The following GNAO1 variants were observed in gnomAD, a reference collection of about 807,000 sequenced individuals.
The protein encoded by GNAO1 is guanine nucleotide-binding protein G(o) subunit alpha.
For missense variants in GNAO1, 166 were observed against 478.7 expected, an observed-to-expected ratio of 0.35 and a Z score of 6.10; for synonymous variants, 164 against 180.7, an observed-to-expected ratio of 0.91 and a Z score of 0.74.
intron 2 of GNAO1, among the ~76,000 whole-genome samples, chr16:56,258,473 G>A (rs1052874441): frequency 1.6e-4 from 24 of 152,236 alleles, no homozygotes; most frequent in African/African-American, 5.5e-4. Flanking sequence ...ACCTGAAAGG[G>A]AGTGTTGGGC....
At chr16:56,195,008 A>G (rs2036218770) in intron 2 of GNAO1, among the ~76,000 whole-genome samples, 1 of 151,224 alleles carries the variant, frequency 6.6e-6, no homozygotes, top group Non-Finnish European at 1.5e-5. Flanking sequence ...GGGAAAATGA[A>G]GTGAGTGATG....
At chr16:56,218,831 C>T (rs1404832733) in intron 2 of GNAO1, among the ~76,000 whole-genome samples, 4 of 152,234 alleles carry the variant, frequency 2.6e-5, no homozygotes, top group African/African-American at 9.6e-5. Flanking sequence ...GCCCATGCCT[C>T]AGCATAGATG....
chr16:56,323,864 C>T (rs1019367262), intron 3 of GNAO1, among the ~76,000 whole-genome samples: 3 of 151,982 alleles, frequency 2.0e-5, no homozygotes, highest in Non-Finnish European at 2.9e-5. Flanking sequence ...ACTTAGAAGT[C>T]GGGGAGGAGA....
intron 2 of GNAO1, among the ~76,000 whole-genome samples, chr16:56,229,994 C>T (rs2036573297): frequency 6.6e-6 from 1 of 152,092 alleles, no homozygotes; most frequent in Admixed American, 6.6e-5. Flanking sequence ...TTTTTAACAT[C>T]TGGCTTTTTA....
At chr16:56,220,339 T>C in intron 2 of GNAO1, among the ~76,000 whole-genome samples, 1 of 152,218 alleles carries the variant, frequency 6.6e-6, no homozygotes, top group East Asian at 1.9e-4. Context: ...TCAGAGATCA[T>C]TCTTTCAAAA....
At chr16:56,344,001 C>G (rs755501150) in intron 6 of GNAO1, 27 of 1,597,624 alleles carry the variant, frequency 1.7e-5, no homozygotes, top group African/African-American at 2.7e-5. Context: ...GCCGCCCCCC[C>G]TCCCCTGGAA....
rs117664241 is a variant in GNAO1 at position 56,326,022 on chromosome 16, C to A, written c.304-2609C>A. On this transcript the variant is annotated intron_variant, in intron 3 of 8. Transcript: ENST00000262493. The surrounding 1 kb of genome is among the most constrained non-coding windows in gnomAD (Gnocchi z 4.8). Reference sequence around the variant, plus strand: ...GCCACCTCCTCCACTCATCGACCCTCTTCCTTGCCTTGGCATCCCACACCT... The same window carrying A: ...GCCACCTCCTCCACTCATCGACCCTATTCCTTGCCTTGGCATCCCACACCT... Among the ~76,000 whole-genome samples the A allele has an allele frequency of 5.4e-4, 82 of 152,348 alleles. No individual in the cohort carries two copies. In the East Asian group the frequency reaches 0.015, roughly 28 times the overall value.
At chr16:56,251,149 T>C (rs914488089) in intron 2 of GNAO1, among the ~76,000 whole-genome samples, 2 of 152,192 alleles carry the variant, frequency 1.3e-5, no homozygotes, top group Non-Finnish European at 2.9e-5. Context: ...AACACCCCTA[T>C]AAAGGAGGCT....
intron 5 of GNAO1, 144 bp downstream of exon 5, chr16:56,335,001 G>A: frequency 1.3e-6 from 1 of 780,690 alleles, no homozygotes. Context: ...ATACTAGAAG[G>A]AACCTGTCTG....
At chr16:56,292,128 C>A (rs1380948567) in intron 3 of GNAO1, among the ~76,000 whole-genome samples, 1 of 152,204 alleles carries the variant, frequency 6.6e-6, no homozygotes, top group Non-Finnish European at 1.5e-5. Context: ...CAGGCTCTTT[C>A]CTAGCAGACA....
chr16:56,355,801 C>T (rs1388650021), intron 8 of GNAO1: 2 of 152,244 alleles, frequency 1.3e-5, no homozygotes, highest in African/African-American at 4.8e-5. Flanking sequence ...CTCAAGTTCA[C>T]CTGCAGAGTT....
intron 6 of GNAO1, chr16:56,345,836 C>G: frequency 1.0e-6 from 1 of 985,584 alleles, no homozygotes; most frequent in Middle Eastern, 5.2e-4. Flanking sequence ...GAACTGTAAC[C>G]CCAGGCTCAG....
intron 8 of GNAO1, chr16:56,355,491 C>T (rs2037959738): frequency 6.6e-6 from 1 of 152,452 alleles, no homozygotes; most frequent in Non-Finnish European, 1.5e-5. Context: ...CCAGCCAGCT[C>T]TCTGTGTTGC....
At chr16:56,342,025 G>A (rs188471645) in intron 6 of GNAO1, among the ~76,000 whole-genome samples, 208 of 152,356 alleles carry the variant, frequency 1.4e-3, no homozygotes, top group African/African-American at 3.9e-3. Context: ...ATCAGGCTGA[G>A]TGCCTGGCAG....
intron 6 of GNAO1, among the ~76,000 whole-genome samples, chr16:56,337,737 C>T (rs2037756821): frequency 1.3e-5 from 2 of 152,206 alleles, no homozygotes; most frequent in Admixed American, 6.5e-5. Flanking sequence ...CAGCGCCAAG[C>T]TGGTGGTTGT....
intron 3 of GNAO1, among the ~76,000 whole-genome samples, chr16:56,310,165 A>G (rs565884196): frequency 2.6e-5 from 4 of 152,100 alleles, no homozygotes; most frequent in South Asian, 2.1e-4. Flanking sequence ...AAGAAAGAAA[A>G]AAAAAAGAAA....
At chr16:56,263,897 A>G (rs1233090937) in intron 2 of GNAO1, among the ~76,000 whole-genome samples, 2 of 152,260 alleles carry the variant, frequency 1.3e-5, no homozygotes, top group African/African-American at 4.8e-5. Flanking sequence ...AGCTTATGCC[A>G]GCTGGTCAGC....
chr16:56,278,271 G>A (rs1441622113), intron 3 of GNAO1, among the ~76,000 whole-genome samples: 1 of 152,212 alleles, frequency 6.6e-6, no homozygotes, highest in Non-Finnish European at 1.5e-5. Flanking sequence ...GTGGCACCAT[G>A]GCCAGCACCT....
chr16:56,284,625 C>T (rs1054481015), intron 3 of GNAO1, among the ~76,000 whole-genome samples: 11 of 152,210 alleles, frequency 7.2e-5, no homozygotes, highest in South Asian at 2.1e-4. Flanking sequence ...AAGCCCCTCC[C>T]AGCTGCCCCC....
Sources: allele counts gnomAD v4.1 joint callset (sites outside exome capture counted in the v4.1 genomes callset), GRCh38; gene constraint gnomAD v4.1.1; non-coding constraint Gnocchi (gnomAD v3.1); transcripts MANE v1.5; gene names NCBI Gene and HGNC (gene_info 2026-07-23, HGNC 2026-07-21).